Variants in NOX5 observed in about 807,000 individuals in gnomAD.
The protein encoded by NOX5 is NADPH oxidase, EF-hand calcium binding domain 5.
A neutral mutation model predicts 85.7 loss-of-function variants in NOX5; 76 were observed. The ratio of observed to expected loss-of-function variants is 0.89; its 90% CI spans 0.74 to 1.07. NOX5 has a LOEUF of 1.07. Among genes scored for constraint, NOX5 ranks in the 50% least tolerant of loss-of-function variants. The pLI is 0.00. For synonymous variants in NOX5, 405 were observed against 401.4 expected, an observed-to-expected ratio of 1.01 and a Z score of -0.11; for missense variants, 973 against 999.5, an observed-to-expected ratio of 0.97 and a Z score of 0.36.
At chr15:69,042,605 G>T in intron 9 of NOX5, 58 bp from the exon 10 acceptor site, 2 of 1,564,068 alleles carry the variant, frequency 1.3e-6, no homozygotes, top group South Asian at 1.2e-5. Context: ...GGTGAGGCTT[G>T]CTCCCTGGTG....
chr15:69,041,684 AT>A (rs1248827419), intron 9 of NOX5, among the ~76,000 whole-genome samples: 5 of 152,048 alleles, frequency 3.3e-5, no homozygotes, highest in African/African-American at 9.7e-5. Context: ...TAAGTCACAA[AT>A]TTTTTTTAAC....
chr15:69,057,658 C>G lies in NOX5; in HGVS notation c.*962C>G, dbSNP rs1402516980. Reference sequence around the variant, plus strand: ...GGCTAAGCCTGGAAGCTCAGCTCAGCCACACTCTGGCTGTGTGGCCCTGGA... The same window carrying G: ...GGCTAAGCCTGGAAGCTCAGCTCAGGCACACTCTGGCTGTGTGGCCCTGGA... On this transcript the variant is annotated 3_prime_UTR_variant, in exon 16 of 16. Coordinates refer to ENST00000388866, the MANE Select transcript of NOX5 (RefSeq NM_024505.4). The G allele has an allele frequency of 6.6e-6, 1 of 152,224 alleles. No individual in the cohort carries two copies. Among genetic ancestry groups the G allele is most frequent in the Non-Finnish European group, 1.5e-5 (1 of 68,050 alleles). The allele number at this position is 152,224 out of a possible 1,614,324, so 9.4% of individuals were successfully genotyped here. A position where few individuals can be genotyped will look rare whatever the true frequency, so the allele number is the denominator to read the frequency against.
intron 14 of NOX5, among the ~76,000 whole-genome samples, chr15:69,053,495 TATA>T (rs1483823422): frequency 2.0e-5 from 3 of 152,246 alleles, no homozygotes; most frequent in African/African-American, 7.2e-5. Context: ...TTAATGGCTA[TATA>T]ATGAGTGGTA....
rs930978268 is a variant in NOX5 at position 69,014,846 on chromosome 15, C to T, written c.50+61C>T. On this transcript the variant is annotated intron_variant, in intron 1 of 15. Transcript: ENST00000388866. Reference sequence around the variant, plus strand: ...GACAAGGGAAAGGTGGGATTATTTGCCTTTGTGGGATCTACAAAAGGTAAC... The same window carrying T: ...GACAAGGGAAAGGTGGGATTATTTGTCTTTGTGGGATCTACAAAAGGTAAC... The T allele has an allele frequency of 2.4e-6, 3 of 1,243,870 alleles. No homozygotes were observed. In the African/African-American group the frequency reaches 4.5e-5, roughly 19 times the overall value. The allele number at this position is 1,243,870 out of a possible 1,614,324, so 77.1% of individuals were successfully genotyped here. A position where few individuals can be genotyped will look rare whatever the true frequency, so the allele number is the denominator to read the frequency against.
At chr15:69,050,880 C>T (rs577734354) in intron 14 of NOX5, among the ~76,000 whole-genome samples, 33 of 152,178 alleles carry the variant, frequency 2.2e-4, no homozygotes, top group Admixed American at 1.8e-3. Context: ...GCGCTATATA[C>T]GGCAAAGCCT....
chr15:69,019,134 A>G (rs1567091553), intron 1 of NOX5, among the ~76,000 whole-genome samples: 1 of 152,138 alleles, frequency 6.6e-6, no homozygotes, highest in Admixed American at 6.5e-5. Flanking sequence ...GTGTATTAGG[A>G]TTACAGGCAT....
chr15:69,022,252 T>A, intron 1 of NOX5: 1 of 204,274 alleles, frequency 4.9e-6, no homozygotes, highest in Non-Finnish European at 1.2e-5. Flanking sequence ...AATGTCGAAG[T>A]TTTTATCCCA....
Position 69,033,028 on chromosome 15 carries a change from C to T in NOX5, c.621-15C>T, listed in dbSNP as rs745848010. 1.1e-4 allele frequency: 170 copies of T among 1,549,096 alleles called. No individual in the cohort carries two copies. Among genetic ancestry groups the T allele is most frequent in the Middle Eastern group, 2.3e-4 (1 of 4,316 alleles). On this transcript the variant is annotated splice_polypyrimidine_tract_variant and intron_variant, in intron 4 of 15. Coordinates refer to ENST00000388866, the MANE Select transcript of NOX5 (RefSeq NM_024505.4). ...CCCACCGCTCGCCTCTGAGCGGAAC[C>T]CGCCTCTCTCGCAGCGCTGCCCACT... is the stretch of plus-strand genomic sequence containing the variant.
chr15:69,059,245 TC>T lies in NOX5; in HGVS notation c.*2551del, dbSNP rs1374067466. ...CCTGAGGTTTTCTCTCCAGACAGAT[TC>T]CAGTTGCCCACGAGAGGGCGCTGCA... On this transcript the variant is annotated 3_prime_UTR_variant, in exon 16 of 16. Transcript: ENST00000388866. The T allele has an allele frequency of 3.9e-5, 6 of 152,180 alleles. No individual in the cohort carries two copies. The highest frequency in any genetic ancestry group is 2.9e-5 in the Non-Finnish European group (2 of 68,050). 9.4% of individuals were successfully genotyped at this position (152,180 alleles called of 1,614,324 possible).
chr15:69,044,840 A>C (rs4776427), intron 10 of NOX5, among the ~76,000 whole-genome samples: 121,932 of 152,202 alleles, frequency 0.8, 51,977 homozygotes, highest in Non-Finnish European at 0.95. Context: ...ATAATAAAGA[A>C]ATTTCTGTTT....
chr15:69,033,680 TTTTTTTTCTTTC>T (rs2050472067), intron 5 of NOX5, among the ~76,000 whole-genome samples: 10 of 150,996 alleles, frequency 6.6e-5, no homozygotes, highest in Admixed American at 5.9e-4. Context: ...AGAGGTGTTT[TTTTTTTTCTTTC>T]TTTTTTTTCT....
At chr15:69,028,170 C>T (rs779084265) in intron 2 of NOX5, 45 bp from the exon 3 acceptor site, 11 of 1,538,074 alleles carry the variant, frequency 7.2e-6, no homozygotes, top group African/African-American at 1.4e-5. Context: ...AAAGCCCAGG[C>T]CCTGCGGCCA....
At chr15:69,034,426 C>T (rs903132258) in intron 5 of NOX5, among the ~76,000 whole-genome samples, 1 of 152,104 alleles carries the variant, frequency 6.6e-6, no homozygotes, top group Non-Finnish European at 1.5e-5. Context: ...GAGTGGGAGA[C>T]GTGTGATTCA....
intron 10 of NOX5, 127 bp from the exon 11 acceptor site, chr15:69,046,695 T>A: frequency 1.3e-6 from 1 of 790,748 alleles, no homozygotes; most frequent in Admixed American, 2.3e-5. Context: ...GTTCCCTGAA[T>A]GGTTTGGGCA....
intron 14 of NOX5, among the ~76,000 whole-genome samples, chr15:69,050,869 T>C (rs910536017): frequency 2.6e-5 from 4 of 152,222 alleles, no homozygotes; most frequent in African/African-American, 9.6e-5. Context: ...CTCCACCTAA[T>C]GCGCTATATA....
chr15:69,046,971 C>G lies in NOX5; in HGVS notation c.1692+105C>G, dbSNP rs112861633. On this transcript the variant is annotated intron_variant, in intron 11 of 15. Transcript: ENST00000388866. ...GCTGTTGTGGTTGTGGGTACTCAAG[C>G]TCCTCAAATCCTCATGGGCTGACAT... The G allele has an allele frequency of 4.0e-4, 473 of 1,194,430 alleles. 3 individuals carry two copies. In the African/African-American group the frequency reaches 5.5e-3, roughly 14 times the overall value. The allele number at this position is 1,194,430 out of a possible 1,614,324, so 74.0% of individuals were successfully genotyped here.
At chr15:69,021,653 A>C (rs571111093) in intron 1 of NOX5, among the ~76,000 whole-genome samples, 1 of 152,312 alleles carries the variant, frequency 6.6e-6, no homozygotes, top group African/African-American at 2.4e-5. Flanking sequence ...TTATTGGTCC[A>C]TTCAGATTGT....
At chr15:69,042,971 C>T (rs533770956) in intron 10 of NOX5, among the ~76,000 whole-genome samples, 166 bp downstream of exon 10, 23 of 152,270 alleles carry the variant, frequency 1.5e-4, no homozygotes, top group African/African-American at 3.4e-4. Context: ...AGAACCTTCT[C>T]GAAGTCTGAC....
intron 1 of NOX5, among the ~76,000 whole-genome samples, chr15:69,024,887 C>G (rs188328648): frequency 6.6e-6 from 1 of 152,094 alleles, no homozygotes; most frequent in Non-Finnish European, 1.5e-5. Context: ...TTTTCTAATA[C>G]CTTAATTTCT....
Sources: gnomAD v4.1 joint callset for allele counts (sites outside exome capture counted in the v4.1 genomes callset) on GRCh38, gnomAD v4.1.1 for gene constraint, MANE v1.5 for transcripts, NCBI Gene and HGNC (gene_info 2026-07-23, HGNC 2026-07-21) for gene names.